The following RABGAP1 variants were observed in gnomAD, a reference collection of about 807,000 sequenced individuals.
The protein encoded by RABGAP1 is rab GTPase-activating protein 1.
A neutral mutation model predicts 137.6 loss-of-function variants in RABGAP1; 23 were observed. The ratio of observed to expected loss-of-function variants is 0.17; its 90% CI spans 0.12 to 0.24. RABGAP1 has a LOEUF of 0.24. Among genes scored for constraint, RABGAP1 ranks in the 10% least tolerant of loss-of-function variants. The probability of loss-of-function intolerance (pLI) is 1.00; values close to 1 mark genes in which losing one functional copy is unlikely to be tolerated. For missense variants in RABGAP1, 906 were observed against 1,275.8 expected (o/e 0.71, Z 4.42); for synonymous variants, 451 against 450.7 (o/e 1.00, Z -0.01).
Position 122,986,095 on chromosome 9 carries a change from A to G in RABGAP1, c.386-120A>G, listed in dbSNP as rs896742191. 47 of 862,868 alleles carry G rather than the reference A, an allele frequency of 5.4e-5. 1 individual carries two copies. The highest frequency in any genetic ancestry group is 2.6e-4 in the East Asian group (10 of 37,890). 53.5% of individuals were successfully genotyped at this position (862,868 alleles called of 1,614,324 possible). A position where few individuals can be genotyped will look rare whatever the true frequency, so the allele number is the denominator to read the frequency against. On this transcript the variant is annotated intron_variant, in intron 3 of 25. Transcript: ENST00000373647. ...GGGCATTTCTTTTAGGGTATGGCAT[A>G]TTGTCTCATTAATACTTAATTTTAG...
intron 21 of RABGAP1, among the ~76,000 whole-genome samples, chr9:123,095,226 CAAAAAAAAA>C (rs55675466): frequency 4.9e-5 from 3 of 61,254 alleles, no homozygotes; most frequent in Non-Finnish European, 9.3e-5. Flanking sequence ...AACCTTGTCC[CAAAAAAAAA>C]AAAAAAAAAA....
intron 10 of RABGAP1, among the ~76,000 whole-genome samples, chr9:122,999,320 A>G (rs1215603948): frequency 1.6e-4 from 1 of 6,436 alleles, no homozygotes; most frequent in African/African-American, 1.7e-4. Flanking sequence ...AGTAGCTGGG[A>G]CTAAAGTGTA....
At chr9:122,942,051 G>A (rs1402052314) in intron 1 of RABGAP1, among the ~76,000 whole-genome samples, 3 of 152,232 alleles carry the variant, frequency 2.0e-5, no homozygotes, top group African/African-American at 7.2e-5. Context: ...ACCTGTTAGG[G>A]ACAGGGTTTC....
chr9:122,933,237 T>C, the RABGAP1 span, among the ~76,000 whole-genome samples: 1 of 152,004 alleles, frequency 6.6e-6, no homozygotes, highest in Admixed American at 6.6e-5. Flanking sequence ...CCATTTTTGC[T>C]TCATGTATTT....
chr9:123,065,539 A>G lies in RABGAP1; in HGVS notation c.1908+78A>G, dbSNP rs1349407298. On this transcript the variant is annotated intron_variant, in intron 14 of 25. Coordinates refer to ENST00000373647, the MANE Select transcript of RABGAP1 (RefSeq NM_012197.4). ...TGAAATTACATAAGAAACAACTACAAAGTGTAATTTGTATTTGATGTTCAA... is the reference window on the plus strand; with the variant it reads ...TGAAATTACATAAGAAACAACTACAGAGTGTAATTTGTATTTGATGTTCAA... The G allele has an allele frequency of 2.8e-6, 3 of 1,068,040 alleles. No homozygotes were observed. In the East Asian group the frequency reaches 7.1e-5, roughly 25 times the overall value. 66.2% of individuals were successfully genotyped at this position (1,068,040 alleles called of 1,614,324 possible).
In RABGAP1 at chr9:122,990,043, T is replaced by C; in HGVS notation, c.766-13T>C. ...TTTGATAACAGCCCATTTCCTAACA[T>C]GTCTGGTTGTAGGTAAGCCGGATAC... On this transcript the variant is annotated splice_polypyrimidine_tract_variant and intron_variant, in intron 5 of 25. Transcript: ENST00000373647. The C allele has an allele frequency of 6.3e-7, 1 of 1,578,528 alleles. No individual in the cohort carries two copies. The highest frequency in any genetic ancestry group is 8.7e-7 in the Non-Finnish European group (1 of 1,156,010).
At chr9:123,079,239 G>GTTTTTTTT (rs56098560) in intron 19 of RABGAP1, among the ~76,000 whole-genome samples, 2 of 106,676 alleles carry the variant, frequency 1.9e-5, no homozygotes, top group African/African-American at 2.9e-5. Flanking sequence ...GTTTTGTTTT[G>GTTTTTTTT]TTTTTTTTTT....
At chr9:122,957,714 T>G (rs1033126874) in intron 2 of RABGAP1, among the ~76,000 whole-genome samples, 14 of 152,164 alleles carry the variant, frequency 9.2e-5, no homozygotes, top group African/African-American at 3.4e-4. Context: ...TCTGTTAAAG[T>G]TGTCATTTAA....
At chr9:123,016,779 C>G (rs1026340822) in intron 12 of RABGAP1, among the ~76,000 whole-genome samples, 2 of 152,158 alleles carry the variant, frequency 1.3e-5, no homozygotes, top group African/African-American at 4.8e-5. Context: ...GACATTTTAA[C>G]TGTTGAAGTA....
At chr9:122,979,676 A>T (rs192327078) in intron 2 of RABGAP1, among the ~76,000 whole-genome samples, 1 of 152,322 alleles carries the variant, frequency 6.6e-6, no homozygotes, top group African/African-American at 2.4e-5. Context: ...TTGCATATAG[A>T]TGTCAGATTA....
intron 13 of RABGAP1, among the ~76,000 whole-genome samples, chr9:123,051,150 G>A (rs1232700586): frequency 2.2e-5 from 3 of 134,148 alleles, no homozygotes; most frequent in East Asian, 2.1e-4. Context: ...TAAGATACAT[G>A]CCCCCAGCAT....
intron 1 of RABGAP1, among the ~76,000 whole-genome samples, chr9:122,943,544 T>C (rs962552080): frequency 1.3e-5 from 2 of 152,252 alleles, no homozygotes; most frequent in Non-Finnish European, 2.9e-5. Context: ...CAGAGACACC[T>C]GTTTCCTACC....
intron 21 of RABGAP1, among the ~76,000 whole-genome samples, chr9:123,094,569 T>C (rs1435625497): frequency 6.6e-6 from 1 of 152,198 alleles, no homozygotes; most frequent in Admixed American, 6.5e-5. Context: ...TTTTAATTCT[T>C]ATTAAATATT....
At chr9:122,947,033 C>T (rs1833984203) in intron 1 of RABGAP1, among the ~76,000 whole-genome samples, 1 of 152,088 alleles carries the variant, frequency 6.6e-6, no homozygotes, top group Admixed American at 6.5e-5. Context: ...CTACTTACAT[C>T]TACCTCATGG....
intron 6 of RABGAP1, among the ~76,000 whole-genome samples, chr9:122,992,303 T>A (rs1348363104): frequency 6.6e-6 from 1 of 152,150 alleles, no homozygotes; most frequent in Admixed American, 6.5e-5. Flanking sequence ...CCTCCCAGAG[T>A]GCTGGGATTA....
At chr9:123,066,058 A>AT (rs1463202222) in intron 14 of RABGAP1, among the ~76,000 whole-genome samples, 1 of 152,196 alleles carries the variant, frequency 6.6e-6, no homozygotes, top group Admixed American at 6.5e-5. Flanking sequence ...TGTTCTCAGA[A>AT]TTAGTCTTCA....
intron 2 of RABGAP1, among the ~76,000 whole-genome samples, chr9:122,962,902 C>T (rs1834925700): frequency 6.6e-6 from 1 of 152,036 alleles, no homozygotes; most frequent in South Asian, 2.1e-4. Flanking sequence ...ATAATGCAAA[C>T]AGCATTATAA....
intron 13 of RABGAP1, among the ~76,000 whole-genome samples, chr9:123,032,902 A>G (rs774637121): frequency 2.6e-5 from 4 of 152,212 alleles, no homozygotes; most frequent in Non-Finnish European, 1.5e-5. Context: ...TGTAATATCC[A>G]TGCCTGAGTA....
intron 10 of RABGAP1, among the ~76,000 whole-genome samples, chr9:123,007,716 A>G (rs2131863343): frequency 6.6e-6 from 1 of 151,008 alleles, no homozygotes; most frequent in African/African-American, 2.4e-5. Flanking sequence ...ATGCCTGGCC[A>G]CTGCTGATGT....
Sources: gnomAD v4.1 joint callset for allele counts (sites outside exome capture counted in the v4.1 genomes callset) on GRCh38, gnomAD v4.1.1 for gene constraint, MANE v1.5 for transcripts, NCBI Gene and HGNC (gene_info 2026-07-23, HGNC 2026-07-21) for gene names.